SP1: variants seen among roughly 807,000 people sequenced by gnomAD.
SP1 encodes transcription factor Sp1.
Under a neutral mutation model 66.3 loss-of-function variants are expected in SP1, and 6 were observed. That is an observed-to-expected ratio of 0.09 (90% CI 0.05 to 0.18). The LOEUF (loss-of-function observed/expected upper bound fraction) is 0.18. Among genes scored for constraint, SP1 ranks in the 10% least tolerant of loss-of-function variants. The pLI is 1.00. For missense variants in SP1, 848 were observed against 964.5 expected (o/e 0.88, Z 1.60); for synonymous variants, 417 against 360.8 (o/e 1.16, Z -1.77).
Position 53,406,539 on chromosome 12 carries a change from T to C in SP1, c.1676-46T>C, listed in dbSNP as rs116770321. ...TAGGGTATCACTGAGATGCCAGTGATAACCTGCCCATGTCACATGTTGACC... is the reference window on the plus strand; with the variant it reads ...TAGGGTATCACTGAGATGCCAGTGACAACCTGCCCATGTCACATGTTGACC... On this transcript the variant is annotated intron_variant, in intron 3 of 5. Coordinates refer to ENST00000327443, the MANE Select transcript of SP1 (RefSeq NM_138473.3). The C allele has an allele frequency of 8.9e-4, 1,402 of 1,568,358 alleles. 6 individuals carry two copies. The African/African-American group carries it at 0.01, about 12-fold the overall frequency.
intron 3 of SP1, among the ~76,000 whole-genome samples, chr12:53,393,010 C>T (rs1938391218): frequency 6.6e-6 from 1 of 150,902 alleles, no homozygotes. Flanking sequence ...ATTTTTAGTA[C>T]AGATGGGGTT....
At chr12:53,407,033 C>T (rs1290271581) in intron 4 of SP1, among the ~76,000 whole-genome samples, 1 of 151,836 alleles carries the variant, frequency 6.6e-6, no homozygotes, top group Non-Finnish European at 1.5e-5. Flanking sequence ...ACTGTGTTAC[C>T]CAGGATGGTC....
At chr12:53,380,590 G>A in intron 1 of SP1, 6 of 992,920 alleles carry the variant, frequency 6.0e-6, no homozygotes, top group Non-Finnish European at 7.2e-6. Flanking sequence ...TCGGCCGCCC[G>A]CCTGAGGCTC....
chr12:53,406,856 ACT>A (rs1463226457), intron 4 of SP1, 103 bp downstream of exon 4: 8 of 992,324 alleles, frequency 8.1e-6, no homozygotes, highest in Admixed American at 5.3e-5. Flanking sequence ...ACCGAGTCTG[ACT>A]CTGTTGCCCA....
intron 3 of SP1, among the ~76,000 whole-genome samples, chr12:53,401,131 T>TA (rs1938600063): frequency 1.3e-5 from 2 of 152,070 alleles, no homozygotes; most frequent in African/African-American, 4.8e-5. Flanking sequence ...TTGGCAGTCT[T>TA]ACTGTTTTAC....
At chr12:53,388,014 T>C (rs1938268642) in intron 3 of SP1, among the ~76,000 whole-genome samples, 1 of 152,014 alleles carries the variant, frequency 6.6e-6, no homozygotes, top group Non-Finnish European at 1.5e-5. Flanking sequence ...CGAAAAGGTG[T>C]TTTTGATTTA....
chr12:53,404,076 CAGG>C (rs1416161358), intron 3 of SP1, among the ~76,000 whole-genome samples: 2 of 151,432 alleles, frequency 1.3e-5, no homozygotes, highest in Non-Finnish European at 2.9e-5. Flanking sequence ...GAGGCTGAGG[CAGG>C]AGAATGGCGT....
chr12:53,397,198 A>C lies in SP1; in HGVS notation c.1676-9387A>C, dbSNP rs373766769. Among the ~76,000 whole-genome samples the C allele has an allele frequency of 7.2e-5, 11 of 151,804 alleles. No individual in the cohort carries two copies. The East Asian group carries it at 1.8e-3, about 24-fold the overall frequency. On this transcript the variant is annotated intron_variant, in intron 3 of 5. Transcript: ENST00000327443. ...GGCTAATTTTTGTATTTTAGTAGAGAGGAGACTTCAGCTTTTTGGCCAGGC... is the reference window on the plus strand; with the variant it reads ...GGCTAATTTTTGTATTTTAGTAGAGCGGAGACTTCAGCTTTTTGGCCAGGC...
At chr12:53,393,654 A>G (rs1382857614) in intron 3 of SP1, among the ~76,000 whole-genome samples, 2 of 146,920 alleles carry the variant, frequency 1.4e-5, no homozygotes, top group African/African-American at 2.5e-5. Context: ...CTGGAGTGCA[A>G]TGGTGCGATC....
At position 53,381,826 on chromosome 12, in the gene SP1, C is replaced by G. The variant is rs762437369; in HGVS notation, c.162+13C>G. ...AGGAGGAGGGCAGGTAAGTGATAAT[C>G]ATAGAGTGGGGAAGGTGTTGAGAAG... On this transcript the variant is annotated intron_variant, in intron 2 of 5. Coordinates refer to ENST00000327443, the MANE Select transcript of SP1 (RefSeq NM_138473.3). The G allele has an allele frequency of 3.7e-6, 6 of 1,607,056 alleles. No individual in the cohort carries two copies. The highest frequency in any genetic ancestry group is 5.1e-6 in the Non-Finnish European group (6 of 1,177,680).
Position 53,383,387 on chromosome 12 carries a change from A to G in SP1, c.1440A>G (p.Gln480=), listed in dbSNP as rs3741651. The change falls in exon 3 of 6, where the codon CAA becomes CAG. Residue 480 remains glutamine (Q), a synonymous_variant. Transcript: ENST00000327443. The part of the protein sequence containing the change: ...QNLQVQNPQA[Q]TITLAPMQGV... ...TCCAAGTTCAGAACCCACAAGCCCA[A>G]ACAATCACCTTAGCCCCAATGCAGG... 0.17 allele frequency: 279,543 copies of G among 1,614,024 alleles called. 24,865 individuals are homozygous for G. The highest frequency in any genetic ancestry group is 0.21 in the East Asian group (9,404 of 44,874).
chr12:53,386,038 C>T (rs566110709), intron 3 of SP1, among the ~76,000 whole-genome samples: 52 of 152,248 alleles, frequency 3.4e-4, no homozygotes, highest in African/African-American at 1.2e-3. Context: ...TGCTTTTCAA[C>T]GAAGTAAGTT....
intron 3 of SP1, among the ~76,000 whole-genome samples, chr12:53,393,130 G>A (rs1424081671): frequency 5.3e-5 from 8 of 150,664 alleles, no homozygotes; most frequent in African/African-American, 1.2e-4. Flanking sequence ...CCTAGAAGGA[G>A]TTTTAAAATA....
Position 53,382,433 on chromosome 12 carries a change from A to T in SP1, c.486A>T (p.Thr162=). Residue 162 remains threonine, a synonymous_variant, in exon 3 of 6, where the codon ACA becomes ACT. Coordinates refer to ENST00000327443, the MANE Select transcript of SP1 (RefSeq NM_138473.3). ...ACTTACAGAACCAGCAAGTTCTGAC[A>T]GGACTACCTGGAGTGATGCCTAATA... is the stretch of plus-strand genomic sequence containing the variant. ...APNLQNQQVL[T]GLPGVMPNIQ... The T allele has an allele frequency of 6.2e-7, 1 of 1,614,220 alleles. No individual in the cohort carries two copies. Among genetic ancestry groups the T allele is most frequent in the Non-Finnish European group, 8.5e-7 (1 of 1,180,036 alleles).
chr12:53,402,091 T>G (rs896758889), intron 3 of SP1, among the ~76,000 whole-genome samples: 1 of 152,180 alleles, frequency 6.6e-6, no homozygotes, highest in Non-Finnish European at 1.5e-5. Context: ...GACTCATATC[T>G]AAGTTTCTCC....
chr12:53,401,623 G>A (rs895686396), intron 3 of SP1, among the ~76,000 whole-genome samples: 3 of 152,076 alleles, frequency 2.0e-5, no homozygotes, highest in African/African-American at 2.4e-5. Context: ...TTGGGGCCAT[G>A]CTTAGTGTTG....
intron 1 of SP1, 53 bp downstream of exon 1, chr12:53,380,351 G>T: frequency 7.0e-7 from 1 of 1,422,468 alleles, no homozygotes. Context: ...GAGGGGGCGC[G>T]CGCGAGGGCC....
Position 53,409,479 on chromosome 12 carries a change from G to A in SP1, c.1962G>A (p.Arg654=). ...ACTTGCGCTGGCATACAGGCGAGAG[G>A]CCATTTATGTGTACCTGGTCATACT... The part of the protein sequence containing the change: ...RAHLRWHTGE[R]PFMCTWSYCG... The change falls in exon 5 of 6, where the codon AGG becomes AGA. Residue 654 remains arginine (R), a synonymous_variant. Transcript: ENST00000327443. 6.2e-7 allele frequency: 1 copy of A among 1,614,148 alleles called. No homozygotes were observed. The highest frequency in any genetic ancestry group is 8.5e-7 in the Non-Finnish European group (1 of 1,180,026).
chr12:53,391,869 C>A (rs1019779311), intron 3 of SP1, among the ~76,000 whole-genome samples: 2 of 151,718 alleles, frequency 1.3e-5, no homozygotes, highest in African/African-American at 4.8e-5. Flanking sequence ...TCTGTTCCAG[C>A]GTTTATTCAC....
Sources: allele counts gnomAD v4.1 joint callset (sites outside exome capture counted in the v4.1 genomes callset), GRCh38; gene constraint gnomAD v4.1.1; transcripts MANE v1.5; gene names NCBI Gene and HGNC (gene_info 2026-07-23, HGNC 2026-07-21).